The following DLG2 variants were observed in gnomAD, a reference collection of about 807,000 sequenced individuals.
DLG2 encodes discs large MAGUK scaffold protein 2, also known as disks large homolog 2.
DLG2 carries 45 observed loss-of-function variants against 132.5 expected under a neutral mutation model. The observed-to-expected ratio is 0.34, with a 90% confidence interval of 0.27 to 0.44. The LOEUF is 0.44. Among genes scored for constraint, DLG2 ranks in the 20% least tolerant of loss-of-function variants. The pLI, the probability that DLG2 is intolerant of heterozygous loss-of-function variation, is 1.00. For synonymous variants in DLG2, 424 were observed against 419.6 expected, an observed-to-expected ratio of 1.01 and a Z score of -0.13; for missense variants, 1,045 against 1,196.9, an observed-to-expected ratio of 0.87 and a Z score of 1.87.
intron 6 of DLG2, among the ~76,000 whole-genome samples, chr11:84,675,143 G>A (rs764447049): frequency 2.0e-5 from 3 of 152,040 alleles, no homozygotes; most frequent in Non-Finnish European, 4.4e-5. Flanking sequence ...CCAACCCTGC[G>A]GCCCCCTCTA....
At chr11:84,016,863 G>C (rs1302989611) in intron 11 of DLG2, among the ~76,000 whole-genome samples, 1 of 152,042 alleles carries the variant, frequency 6.6e-6, no homozygotes, top group East Asian at 1.9e-4. Flanking sequence ...TCTGAGTCAA[G>C]GTTGCAGTAT....
intron 18 of DLG2, among the ~76,000 whole-genome samples, chr11:83,667,231 A>G (rs1159375095): frequency 6.6e-6 from 1 of 152,176 alleles, no homozygotes; most frequent in South Asian, 2.1e-4. Flanking sequence ...TGAGTTTTCA[A>G]GTGCATTTTT....
At chr11:84,556,900 T>C (rs2099413029) in intron 6 of DLG2, among the ~76,000 whole-genome samples, 1 of 152,152 alleles carries the variant, frequency 6.6e-6, no homozygotes. Flanking sequence ...ATACAATCTA[T>C]AAGGAATAAT....
intron 21 of DLG2, among the ~76,000 whole-genome samples, chr11:83,504,928 T>C (rs2116482): frequency 0.35 from 53,737 of 152,036 alleles, 9,592 homozygotes; most frequent in Middle Eastern, 0.46. Flanking sequence ...AATCCAGTTG[T>C]TTCAGGATGA....
chr11:84,869,276 C>T (rs563402003), intron 6 of DLG2, among the ~76,000 whole-genome samples: 4 of 152,232 alleles, frequency 2.6e-5, no homozygotes, highest in East Asian at 1.9e-4. Context: ...TGCCATGGAC[C>T]TTCCTATTTA....
intron 6 of DLG2, among the ~76,000 whole-genome samples, chr11:84,725,978 A>C (rs1028262784): frequency 6.6e-6 from 1 of 152,084 alleles, no homozygotes; most frequent in Non-Finnish European, 1.5e-5. Flanking sequence ...GACTCTCCTT[A>C]GACCCTTTCT....
intron 3 of DLG2, among the ~76,000 whole-genome samples, chr11:85,400,882 C>T (rs1372177275): frequency 5.4e-5 from 8 of 149,080 alleles, no homozygotes; most frequent in East Asian, 4.0e-4. Flanking sequence ...TGTATACATA[C>T]GTAACTAACC....
chr11:84,691,444 A>T (rs1595847178), intron 6 of DLG2, among the ~76,000 whole-genome samples: 2 of 151,906 alleles, frequency 1.3e-5, no homozygotes, highest in African/African-American at 2.4e-5. Context: ...ATGAAAAATC[A>T]GTAGAAAAAA....
intron 18 of DLG2, among the ~76,000 whole-genome samples, chr11:83,762,569 A>T (rs145896470): frequency 6.6e-6 from 1 of 151,716 alleles, no homozygotes; most frequent in Non-Finnish European, 1.5e-5. Flanking sequence ...CTAAGTGTTG[A>T]GATTAAGTAT....
intron 6 of DLG2, among the ~76,000 whole-genome samples, chr11:84,562,762 T>A (rs964838020): frequency 6.6e-6 from 1 of 151,576 alleles, no homozygotes; most frequent in Admixed American, 6.6e-5. Context: ...TTTTTTTTTT[T>A]CTTTTGAGAC....
intron 14 of DLG2, among the ~76,000 whole-genome samples, chr11:83,941,419 T>G (rs994261335): frequency 1.3e-5 from 2 of 151,678 alleles, no homozygotes; most frequent in African/African-American, 4.8e-5. Flanking sequence ...TGAGACAGAA[T>G]CTTGCTCTGT....
intron 6 of DLG2, among the ~76,000 whole-genome samples, chr11:84,684,870 G>C (rs548626756): frequency 6.6e-6 from 1 of 152,312 alleles, no homozygotes. Flanking sequence ...TGTGTTCCCA[G>C]ATACAGAATT....
At chr11:84,736,405 C>G (rs1042962759) in intron 6 of DLG2, among the ~76,000 whole-genome samples, 4 of 151,492 alleles carry the variant, frequency 2.6e-5, no homozygotes, top group African/African-American at 9.7e-5. Flanking sequence ...CCTGTTAATT[C>G]TACACCTACA....
chr11:85,408,617 A>G (rs977384297), intron 3 of DLG2, among the ~76,000 whole-genome samples: 1 of 142,836 alleles, frequency 7.0e-6, no homozygotes, highest in Non-Finnish European at 1.5e-5. Context: ...TCATTGTTCA[A>G]TTCCCACCTA....
At chr11:84,193,702 C>A (rs1009777432) in intron 8 of DLG2, among the ~76,000 whole-genome samples, 1 of 152,190 alleles carries the variant, frequency 6.6e-6, no homozygotes, top group Non-Finnish European at 1.5e-5. Flanking sequence ...CAGTCTGGTA[C>A]AGGTCAAATT....
At chr11:84,969,706 A>G (rs187524081) in intron 6 of DLG2, among the ~76,000 whole-genome samples, 114 of 152,306 alleles carry the variant, frequency 7.5e-4, no homozygotes, top group African/African-American at 2.6e-3. Context: ...TACCAACAAG[A>G]AAAGACACAT....
intron 7 of DLG2, among the ~76,000 whole-genome samples, chr11:84,525,775 T>C (rs892532796): frequency 1.1e-4 from 16 of 152,188 alleles, no homozygotes; most frequent in African/African-American, 3.9e-4. Flanking sequence ...CTCTCTTGCT[T>C]TATGGGATGT....
chr11:84,444,759 C>T (rs1174385306), intron 7 of DLG2, among the ~76,000 whole-genome samples: 1 of 150,906 alleles, frequency 6.6e-6, no homozygotes, highest in African/African-American at 2.4e-5. Context: ...TACAATAGAG[C>T]ACTTTTATAG....
At chr11:85,139,709 G>A (rs971220699) in intron 5 of DLG2, among the ~76,000 whole-genome samples, 1 of 151,918 alleles carries the variant, frequency 6.6e-6, no homozygotes, top group Non-Finnish European at 1.5e-5. Context: ...CAGTCCTCAT[G>A]GTGTACATTA....
Sources: allele counts gnomAD v4.1 joint callset (sites outside exome capture counted in the v4.1 genomes callset), GRCh38; gene constraint gnomAD v4.1.1; transcripts MANE v1.5; gene names NCBI Gene and HGNC (gene_info 2026-07-23, HGNC 2026-07-21).